TRAPPC8: variants seen among roughly 807,000 people sequenced by gnomAD.
The protein encoded by TRAPPC8 is general sporulation gene 1 homolog.
Under a neutral mutation model 174.3 loss-of-function variants are expected in TRAPPC8, and 54 were observed. The observed-to-expected ratio is 0.31, with a 90% CI of 0.25 to 0.39. The LOEUF is 0.39. Among genes scored for constraint, TRAPPC8 ranks in the 10% least tolerant of loss-of-function variants. The probability of loss-of-function intolerance (pLI) is 1.00; values close to 1 mark genes in which losing one functional copy is unlikely to be tolerated. For missense variants in TRAPPC8, 1,531 were observed against 1,699.1 expected (o/e 0.90, Z 1.74); for synonymous variants, 630 against 579.9 (o/e 1.09, Z -1.24).
intron 12 of TRAPPC8, among the ~76,000 whole-genome samples, chr18:31,885,142 C>T (rs1176841104): frequency 6.6e-6 from 1 of 151,878 alleles, no homozygotes; most frequent in Non-Finnish European, 1.5e-5. Context: ...TAGGCGTGAG[C>T]CACCGTACCC....
intron 1 of TRAPPC8, 123 bp downstream of exon 1, chr18:31,942,485 C>T: frequency 7.7e-7 from 1 of 1,303,828 alleles, no homozygotes; most frequent in Non-Finnish European, 1.0e-6. Context: ...GCCACAGCCC[C>T]AGACGCCACG....
chr18:31,845,581 G>A (rs749345856), intron 26 of TRAPPC8, among the ~76,000 whole-genome samples: 2 of 151,688 alleles, frequency 1.3e-5, no homozygotes, highest in Non-Finnish European at 2.9e-5. Flanking sequence ...AATTAAGAAC[G>A]ATTAAGGGAA....
In TRAPPC8 at chr18:31,925,235, C is replaced by T. The variant is rs567891613; in HGVS notation, c.352+6094G>A. Among the ~76,000 whole-genome samples, 4 of 148,718 alleles carry T rather than the reference C, an allele frequency of 2.7e-5. No homozygotes were observed. In the East Asian group the frequency reaches 6.0e-4, roughly 22 times the overall value. On this transcript the variant is annotated intron_variant, in intron 2 of 28. Coordinates refer to ENST00000283351, the MANE Select transcript of TRAPPC8 (RefSeq NM_014939.5). ...AAAATCAAAACAAATAAAAATAATA[C>T]GAATGAAAAAAAAAGGCACAGGATA...
At chr18:31,922,340 C>T (rs1005817149) in intron 2 of TRAPPC8, among the ~76,000 whole-genome samples, 2 of 152,154 alleles carry the variant, frequency 1.3e-5, no homozygotes, top group Non-Finnish European at 1.5e-5. Context: ...TGCCTGTAAT[C>T]CCAGCACTTT....
chr18:31,864,051 A>T (rs1332584815), intron 19 of TRAPPC8, among the ~76,000 whole-genome samples: 2 of 147,888 alleles, frequency 1.4e-5, no homozygotes, highest in Admixed American at 6.8e-5. Context: ...TAAAATATAT[A>T]TTTATATTAT....
chr18:31,911,696 G>A (rs1431533384), intron 5 of TRAPPC8, among the ~76,000 whole-genome samples: 1 of 143,480 alleles, frequency 7.0e-6, no homozygotes, highest in African/African-American at 2.6e-5. Context: ...CCGAGATCAT[G>A]CAGTGAGCCG....
In TRAPPC8 at chr18:31,830,143, A is replaced by AG. The variant is rs1200751732; in HGVS notation, c.*611dup. The AG allele has an allele frequency of 1.3e-5, 2 of 152,664 alleles. No homozygotes were observed. The highest frequency in any genetic ancestry group is 2.9e-5 in the Non-Finnish European group (2 of 68,048). The allele number at this position is 152,664 out of a possible 1,614,324, so 9.5% of individuals were successfully genotyped here. On this transcript the variant is annotated 3_prime_UTR_variant, in exon 29 of 29. Coordinates refer to ENST00000283351, the MANE Select transcript of TRAPPC8 (RefSeq NM_014939.5). The stretch of plus-strand genomic sequence containing the variant: ...AGCGCACTCTATACTGAGATGAATG[A>AG]GGGGAAAAAAGTCAAAACTCCTTTC...
intron 18 of TRAPPC8, 99 bp downstream of exon 18, chr18:31,866,750 C>T (rs868196460): frequency 2.2e-6 from 3 of 1,392,372 alleles, no homozygotes; most frequent in East Asian, 2.4e-5. Context: ...CTTAACGATA[C>T]ATTAAACCTA....
rs1243330371 is a variant in TRAPPC8, at chr18:31,942,744, T to C, written c.21A>G (p.Ser7=). 2 of 1,577,858 alleles carry C rather than the reference T, an allele frequency of 1.3e-6. No homozygotes were observed. Among genetic ancestry groups the C allele is most frequent in the Non-Finnish European group, 8.6e-7 (1 of 1,162,418 alleles). The change falls in exon 1 of 29, where the codon TCA becomes TCG. Residue 7 remains serine (S), a synonymous_variant. Transcript: ENST00000283351. MAQCVQ[S]VQELIPDSFV... ...AGGAGTCCGGGATTAGCTCCTGCAC[T>C]GATTGTACACACTGGGCCATCGCCG... is the stretch of plus-strand genomic sequence containing the variant.
intron 1 of TRAPPC8, among the ~76,000 whole-genome samples, chr18:31,936,305 T>A (rs944875493): frequency 2.7e-5 from 4 of 150,522 alleles, no homozygotes; most frequent in Admixed American, 1.3e-4. Flanking sequence ...CAAAAAAAAT[T>A]TTTTTTTTAA....
chr18:31,885,243 C>T (rs2035651488), intron 12 of TRAPPC8, among the ~76,000 whole-genome samples: 1 of 152,126 alleles, frequency 6.6e-6, no homozygotes, highest in African/African-American at 2.4e-5. Flanking sequence ...GAAATGAGAA[C>T]ACAGGATGTC....
intron 9 of TRAPPC8, among the ~76,000 whole-genome samples, chr18:31,903,850 A>C (rs2036546634): frequency 6.9e-6 from 1 of 144,420 alleles, no homozygotes; most frequent in Non-Finnish European, 1.5e-5. Context: ...ACATACTGAG[A>C]TCTGTATCAA....
intron 26 of TRAPPC8, among the ~76,000 whole-genome samples, chr18:31,842,865 G>A (rs2033182741): frequency 1.3e-5 from 2 of 152,026 alleles, no homozygotes; most frequent in African/African-American, 4.8e-5. Flanking sequence ...TTCAGAGAAG[G>A]GATACTCAAT....
At chr18:31,875,340 A>G (rs999918650) in intron 12 of TRAPPC8, among the ~76,000 whole-genome samples, 3 of 149,260 alleles carry the variant, frequency 2.0e-5, no homozygotes, top group Non-Finnish European at 4.5e-5. Context: ...AGTAGTATAT[A>G]TAATAATATA....
rs1055730231 is a variant in TRAPPC8, at chr18:31,907,385, G to C, written c.1389+75C>G. 2.1e-6 allele frequency: 3 copies of C among 1,411,876 alleles called. No individual in the cohort carries two copies. The East Asian group carries it at 7.0e-5, about 33-fold the overall frequency. The allele number at this position is 1,411,876 out of a possible 1,614,324, so 87.5% of individuals were successfully genotyped here. On this transcript the variant is annotated intron_variant, in intron 9 of 28. Coordinates refer to ENST00000283351, the MANE Select transcript of TRAPPC8 (RefSeq NM_014939.5). ...GTACAACTTTATCCCTAAGGATTCT[G>C]TTTGCCACCAAGAGAAATTTCTAAA...
chr18:31,942,776 A>G lies in TRAPPC8; in HGVS notation c.-12T>C. On this transcript the variant is annotated 5_prime_UTR_variant, in exon 1 of 29. Coordinates refer to ENST00000283351, the MANE Select transcript of TRAPPC8 (RefSeq NM_014939.5). ...ACACACTGGGCCATCGCCGCAGCAC[A>G]GGCAGCGGCGGCGCCCGCCCTCCGG... is the stretch of plus-strand genomic sequence containing the variant. 1.4e-6 allele frequency: 2 copies of G among 1,422,072 alleles called. No homozygotes were observed. The highest frequency in any genetic ancestry group is 1.5e-5 in the South Asian group (1 of 66,460). The allele number at this position is 1,422,072 out of a possible 1,614,324, so 88.1% of individuals were successfully genotyped here.
At chr18:31,878,746 G>A (rs1047744996) in intron 12 of TRAPPC8, among the ~76,000 whole-genome samples, 2 of 152,024 alleles carry the variant, frequency 1.3e-5, no homozygotes, top group African/African-American at 2.4e-5. Flanking sequence ...TCTGTGTAAC[G>A]AGATCCACAG....
At chr18:31,854,793 C>T (rs986880145) in intron 21 of TRAPPC8, among the ~76,000 whole-genome samples, 1 of 151,580 alleles carries the variant, frequency 6.6e-6, no homozygotes, top group East Asian at 1.9e-4. Flanking sequence ...ATGGTGAAAC[C>T]CTGTCTCTAC....
At chr18:31,893,379 A>G (rs2145375854) in intron 11 of TRAPPC8, among the ~76,000 whole-genome samples, 1 of 126,044 alleles carries the variant, frequency 7.9e-6, no homozygotes, top group African/African-American at 3.0e-5. Flanking sequence ...ATTTGCTTCT[A>G]GGTGTGTGTG....
Sources: allele counts gnomAD v4.1 joint callset (sites outside exome capture counted in the v4.1 genomes callset), GRCh38; gene constraint gnomAD v4.1.1; transcripts MANE v1.5; gene names NCBI Gene and HGNC (gene_info 2026-07-23, HGNC 2026-07-21).